The following ERCC3 variants were observed in gnomAD, a reference collection of about 807,000 sequenced individuals.
ERCC3 encodes the protein ERCC excision repair 3, TFIIH core complex helicase subunit, also known as general transcription and DNA repair factor IIH helicase/translocase subunit XPB.
ERCC3 carries 66 observed loss-of-function variants against 94.2 expected under a neutral mutation model. The ratio of observed to expected loss-of-function variants is 0.70; its 90% confidence interval spans 0.57 to 0.86. ERCC3 has a LOEUF of 0.86. ERCC3 is among the 40% of genes least tolerant of loss of function. The pLI is 0.00. For missense variants in ERCC3, 829 were observed against 987.1 expected (o/e 0.84, Z 2.15); for synonymous variants, 349 against 369.1 (o/e 0.95, Z 0.63).
Position 127,257,844 on chromosome 2 carries a change from T to A in ERCC3, c.2218-117A>T. 9 of 1,163,616 alleles carry A rather than the reference T, an allele frequency of 7.7e-6. No individual in the cohort carries two copies. The highest frequency in any genetic ancestry group is 6.4e-5 in the South Asian group (5 of 77,876). The allele number at this position is 1,163,616 out of a possible 1,614,324, so 72.1% of individuals were successfully genotyped here. A position where few individuals can be genotyped will look rare whatever the true frequency, so the allele number is the denominator to read the frequency against. ...TTACATAAATTTAATACATCATTTT[T>A]AATAATGTTTACAGATCGCTTACTG... On this transcript the variant is annotated intron_variant, in intron 14 of 14. Transcript: ENST00000285398. The surrounding 1 kb of genome is among the most constrained non-coding windows in gnomAD (Gnocchi z 5.4).
chr2:127,278,388 C>T lies in ERCC3; in HGVS notation c.1730+785G>A, dbSNP rs144616341. ...TTTTTCACAATAATCTAAATGTTGA[C>T]TTGGATTAAAAAGTCTTTCTAAATT... On this transcript the variant is annotated intron_variant, in intron 10 of 14. Transcript: ENST00000285398. Among the ~76,000 whole-genome samples the T allele has an allele frequency of 2.3e-3, 355 of 152,186 alleles. 2 individuals carry two copies. Among genetic ancestry groups the T allele is most frequent in the African/African-American group, 7.8e-3 (322 of 41,506 alleles).
Position 127,287,013 on chromosome 2 carries a change from A to G in ERCC3, c.1032T>C (p.Ala344=). The G allele has an allele frequency of 6.2e-7, 1 of 1,610,890 alleles. No individual in the cohort carries two copies. ...CAGTCACACCAACCAGGGACTTTCC[A>G]GCACCTACAAGAAACAAGAGTGCAA... ...RSGVIVLPCG[A]GKSLVGVTAA... The change falls in exon 8 of 15, where the codon GCT becomes GCC. Residue 344 remains alanine, a synonymous_variant. Coordinates refer to ENST00000285398, the MANE Select transcript of ERCC3 (RefSeq NM_000122.2).
At position 127,279,707 on chromosome 2, in the gene ERCC3, C is replaced by A. The variant is rs1684847188; in HGVS notation, c.1528-332G>T. ...CCCAGGAGGCGGAGGTTGCAGTGAG[C>A]CAAGATCACGCCACTGCACTCCAGC... On this transcript the variant is annotated intron_variant, in intron 9 of 14. Coordinates refer to ENST00000285398, the MANE Select transcript of ERCC3 (RefSeq NM_000122.2). The surrounding 1 kb of genome is among the most constrained non-coding windows in gnomAD (Gnocchi z 4.7). Among the ~76,000 whole-genome samples, 1 of 151,954 alleles carries A rather than the reference C, an allele frequency of 6.6e-6. No individual in the cohort carries two copies. The highest frequency in any genetic ancestry group is 2.4e-5 in the African/African-American group (1 of 41,360).
chr2:127,279,440 G>A lies in ERCC3; in HGVS notation c.1528-65C>T. 7.9e-7 allele frequency: 1 copy of A among 1,263,230 alleles called. No individual in the cohort carries two copies. Among genetic ancestry groups the A allele is most frequent in the Non-Finnish European group, 1.2e-6 (1 of 861,036 alleles). The allele number at this position is 1,263,230 out of a possible 1,614,324, so 78.3% of individuals were successfully genotyped here. On this transcript the variant is annotated intron_variant, in intron 9 of 14. Transcript: ENST00000285398. The surrounding 1 kb of genome is among the most constrained non-coding windows in gnomAD (Gnocchi z 4.7). ...AAACACCACACAATTTAAAACTTTT[G>A]AAGACCTTTCTCTAGCAGAATTAGC...
At position 127,294,097 on chromosome 2, in the gene ERCC3, A is replaced by G. The variant is rs919239376; in HGVS notation, c.-16T>C. 1.2e-6 allele frequency: 2 copies of G among 1,606,942 alleles called. No homozygotes were observed. Among genetic ancestry groups the G allele is most frequent in the South Asian group, 1.1e-5 (1 of 90,954 alleles). Reference sequence around the variant, plus strand: ...TTTTGCCCATGGCAGCTACAGCAGCAGAGAGAAGATGACCCCGCTCCCACA... The same window carrying G: ...TTTTGCCCATGGCAGCTACAGCAGCGGAGAGAAGATGACCCCGCTCCCACA... On this transcript the variant is annotated 5_prime_UTR_variant, in exon 1 of 15. Transcript: ENST00000285398.
chr2:127,259,422 C>A lies in ERCC3; in HGVS notation c.2091G>T (p.Glu697Asp), dbSNP rs747285412. ...FKVITKLAGM[E>D]EEDLAFSTKE... ...TTGTCGAAAACGCCAAGTCTTCCTC[C>A]TCCATGCCAGCGAGTTTCGTGATCA... Residue 697 changes from glutamate (E) to aspartate (D), a missense_variant, in exon 14 of 15, where the codon GAG becomes GAT. By Grantham distance (45) the Glu-to-Asp change is conservative. Coordinates refer to ENST00000285398, the MANE Select transcript of ERCC3 (RefSeq NM_000122.2). The surrounding 1 kb of genome is among the most constrained non-coding windows in gnomAD (Gnocchi z 4.9). The A allele has an allele frequency of 1.2e-6, 2 of 1,614,232 alleles. No individual in the cohort carries two copies. Among genetic ancestry groups the A allele is most frequent in the South Asian group, 2.2e-5 (2 of 91,090 alleles).
chr2:127,260,177 C>G (rs965985026), intron 13 of ERCC3: 1 of 154,678 alleles, frequency 6.5e-6, no homozygotes, highest in Non-Finnish European at 1.4e-5. Flanking sequence ...CAGGCCCAGC[C>G]ACTCCACGTC....
At chr2:127,290,632 G>A (rs1685237880) in intron 3 of ERCC3, 1 of 344,312 alleles carries the variant, frequency 2.9e-6, no homozygotes, top group South Asian at 2.7e-5. Context: ...CACAGTAATT[G>A]CGGCTTAAAT....
At chr2:127,293,937 C>G in intron 1 of ERCC3, 117 bp downstream of exon 1, 2 of 1,533,284 alleles carry the variant, frequency 1.3e-6, no homozygotes, top group African/African-American at 1.4e-5. Flanking sequence ...CAACGGGGTG[C>G]GCGCGGGAGG....
intron 11 of ERCC3, among the ~76,000 whole-genome samples, chr2:127,272,313 C>T (rs1202316218): frequency 1.3e-5 from 2 of 152,282 alleles, no homozygotes; most frequent in Admixed American, 1.3e-4. Context: ...ATGTGAGCCA[C>T]CGCGCCCGGT....
chr2:127,273,962 A>C (rs554002222), intron 10 of ERCC3, among the ~76,000 whole-genome samples: 1 of 151,748 alleles, frequency 6.6e-6, no homozygotes, highest in East Asian at 2.0e-4. Context: ...AATGAAGACA[A>C]ACTACAGGTA....
Position 127,257,589 on chromosome 2 carries a change from C to CTAAG in ERCC3, c.*3_*6dup. 1 of 1,613,750 alleles carries CTAAG rather than the reference C, an allele frequency of 6.2e-7. No individual in the cohort carries two copies. Among genetic ancestry groups the CTAAG allele is most frequent in the East Asian group, 2.2e-5 (1 of 44,878 alleles). The stretch of plus-strand genomic sequence containing the variant: ...GCCGGTCTTGAACGAAGTACCCTGC[C>CTAAG]TAAGCATCATTTCCTAAAGCGCTTG... On this transcript the variant is annotated 3_prime_UTR_variant, in exon 15 of 15. Coordinates refer to ENST00000285398, the MANE Select transcript of ERCC3 (RefSeq NM_000122.2). The surrounding 1 kb of genome is among the most constrained non-coding windows in gnomAD (Gnocchi z 5.4).
rs1212638674 is a variant in ERCC3, at chr2:127,280,636, G to A, written c.1343-5C>T. The A allele has an allele frequency of 1.9e-6, 3 of 1,612,680 alleles. No homozygotes were observed. Among genetic ancestry groups the A allele is most frequent in the Non-Finnish European group, 2.5e-6 (3 of 1,178,996 alleles). ...GCACCCTTCGGAACATCTTGGCTGA[G>A]GAAACAATGGGAGCATTCACACTGT... is the stretch of plus-strand genomic sequence containing the variant. On this transcript the variant is annotated splice_region_variant and splice_polypyrimidine_tract_variant and intron_variant, in intron 8 of 14. Coordinates refer to ENST00000285398, the MANE Select transcript of ERCC3 (RefSeq NM_000122.2). The surrounding 1 kb of genome is among the most constrained non-coding windows in gnomAD (Gnocchi z 6.3).
In ERCC3 at chr2:127,263,181, T is replaced by C. The variant is rs4150505; in HGVS notation, c.1946-1835A>G. On this transcript the variant is annotated intron_variant, in intron 12 of 14. Coordinates refer to ENST00000285398, the MANE Select transcript of ERCC3 (RefSeq NM_000122.2). Reference sequence around the variant, plus strand: ...CCAGATGAATTTTATAAGTTTTTTTTCTAATTCTGTGAAAAATGATGTTGG... The same window carrying C: ...CCAGATGAATTTTATAAGTTTTTTTCCTAATTCTGTGAAAAATGATGTTGG... Among the ~76,000 whole-genome samples the C allele has an allele frequency of 3.2e-3, 489 of 152,338 alleles. 3 individuals are homozygous for C. The highest frequency in any genetic ancestry group is 0.011 in the African/African-American group (454 of 41,560).
At chr2:127,289,538 T>C in intron 5 of ERCC3, 37 bp from the exon 6 acceptor site, 1 of 1,611,308 alleles carries the variant, frequency 6.2e-7, no homozygotes, top group Non-Finnish European at 8.5e-7. Flanking sequence ...GCACACAACA[T>C]TTAATTCTGC....
intron 8 of ERCC3, among the ~76,000 whole-genome samples, chr2:127,283,766 G>T (rs981168752): frequency 7.9e-5 from 12 of 152,198 alleles, no homozygotes; most frequent in African/African-American, 2.9e-4. Context: ...ACTGGCATAT[G>T]GGAGCATCCT....
Position 127,274,592 on chromosome 2 carries a change from C to T in ERCC3, c.1731-1631G>A, listed in dbSNP as rs1230903334. The stretch of plus-strand genomic sequence containing the variant: ...GCAGCTGCACACCCAGGCTGATGGC[C>T]TCTGATTAGCCCAGTCACAAGCTGC... On this transcript the variant is annotated intron_variant, in intron 10 of 14. Transcript: ENST00000285398. The surrounding 1 kb of genome is among the most constrained non-coding windows in gnomAD (Gnocchi z 4.0). 6.6e-6 allele frequency among the ~76,000 whole-genome samples: 1 copy of T among 152,238 alleles called. No individual in the cohort carries two copies. Among genetic ancestry groups the T allele is most frequent in the Non-Finnish European group, 1.5e-5 (1 of 68,048 alleles).
chr2:127,289,655 C>T (rs2104776446), intron 5 of ERCC3, 34 bp downstream of exon 5: 3 of 1,613,454 alleles, frequency 1.9e-6, no homozygotes, highest in East Asian at 2.2e-5. Context: ...TAAATGCCTG[C>T]CCCCACCCAA....
At position 127,272,955 on chromosome 2, in the gene ERCC3, A is replaced by G; in HGVS notation, c.1737T>C (p.Tyr579=). ...CCCCCTGAGACGTAGGTCCGTAGATATAGGGTCTAGAGAAGAATGAAGCTG... is the reference window on the plus strand; with the variant it reads ...CCCCCTGAGACGTAGGTCCGTAGATGTAGGGTCTAGAGAAGAATGAAGCTG... ...KEYAIRLNKP[Y]IYGPTSQGER... Residue 579 remains tyrosine (Y), a synonymous_variant, in exon 11 of 15, where the codon TAT becomes TAC. Transcript: ENST00000285398. The G allele has an allele frequency of 6.2e-7, 1 of 1,602,568 alleles. No homozygotes were observed. The highest frequency in any genetic ancestry group is 1.7e-5 in the Admixed American group (1 of 59,992).
Sources: allele counts gnomAD v4.1 joint callset (sites outside exome capture counted in the v4.1 genomes callset), GRCh38; gene constraint gnomAD v4.1.1; non-coding constraint Gnocchi (gnomAD v3.1); transcripts MANE v1.5; gene names NCBI Gene and HGNC (gene_info 2026-07-23, HGNC 2026-07-21).